NOX4: variants seen among roughly 807,000 people sequenced by gnomAD.
NOX4 encodes the protein kidney oxidase-1.
NOX4 carries 69 observed loss-of-function variants against 87.6 expected under a neutral mutation model. The observed-to-expected ratio is 0.79, with a 90% confidence interval of 0.65 to 0.96. The LOEUF is 0.96. Among genes scored for constraint, NOX4 ranks in the 40% least tolerant of loss-of-function variants. NOX4 has a pLI of 0.00. For missense variants in NOX4, 680 were observed against 681.5 expected (o/e 1.00, Z 0.02); for synonymous variants, 275 against 238.2 (o/e 1.15, Z -1.42).
At chr11:89,338,985 C>A (rs1280462529) in intron 15 of NOX4, among the ~76,000 whole-genome samples, 4 of 152,122 alleles carry the variant, frequency 2.6e-5, no homozygotes, top group Admixed American at 6.6e-5. Context: ...GAATGTAAAC[C>A]ACATGAGATC....
chr11:89,353,814 C>T (rs538395879), intron 13 of NOX4, among the ~76,000 whole-genome samples: 4 of 152,124 alleles, frequency 2.6e-5, no homozygotes, highest in Admixed American at 6.6e-5. Flanking sequence ...TACAAATAGG[C>T]GTGCACCAAT....
chr11:89,381,816 G>A (rs1426950263), intron 11 of NOX4, among the ~76,000 whole-genome samples: 6 of 152,108 alleles, frequency 3.9e-5, no homozygotes, highest in African/African-American at 9.7e-5. Flanking sequence ...ATTTTAAATC[G>A]GGTAAGCAGG....
intron 7 of NOX4, among the ~76,000 whole-genome samples, chr11:89,430,363 G>C (rs1943710879): frequency 6.6e-6 from 1 of 152,112 alleles, no homozygotes; most frequent in Non-Finnish European, 1.5e-5. Flanking sequence ...GGGCAATCAG[G>C]CAGGAGAAAG....
chr11:89,530,125 G>A, the NOX4 span, among the ~76,000 whole-genome samples: 31 of 151,356 alleles, frequency 2.0e-4, no homozygotes, highest in African/African-American at 7.5e-4. Flanking sequence ...ATGTTAAATT[G>A]AGCTTAAATG....
chr11:89,350,682 G>A (rs1478468279), intron 13 of NOX4, among the ~76,000 whole-genome samples: 2 of 152,188 alleles, frequency 1.3e-5, no homozygotes, highest in Non-Finnish European at 1.5e-5. Context: ...TACAGCAGTG[G>A]TTGTGAATGA....
chr11:89,347,267 C>T (rs1946255808), intron 13 of NOX4, among the ~76,000 whole-genome samples: 1 of 152,150 alleles, frequency 6.6e-6, no homozygotes, highest in South Asian at 2.1e-4. Context: ...GCCACCTCTA[C>T]CAGACAGGAC....
intron 13 of NOX4, among the ~76,000 whole-genome samples, chr11:89,351,809 G>A (rs1295307944): frequency 1.3e-5 from 2 of 152,096 alleles, no homozygotes; most frequent in Non-Finnish European, 2.9e-5. Flanking sequence ...CACATAGGCA[G>A]TAAGCAAAGC....
At chr11:89,546,506 T>C in the NOX4 span, 1 of 152,218 alleles carries the variant, frequency 6.6e-6, no homozygotes, top group Non-Finnish European at 1.5e-5. Flanking sequence ...TTACCACTTA[T>C]TAGCTATGTG....
chr11:89,378,811 C>T (rs901842921), intron 11 of NOX4, among the ~76,000 whole-genome samples: 3 of 152,162 alleles, frequency 2.0e-5, no homozygotes, highest in African/African-American at 7.2e-5. Context: ...GCTAGGAGCT[C>T]ATGCAATTTC....
At chr11:89,519,481 G>A in the NOX4 span, among the ~76,000 whole-genome samples, 2 of 151,996 alleles carry the variant, frequency 1.3e-5, no homozygotes, top group African/African-American at 4.8e-5. Flanking sequence ...ATGTATTGAT[G>A]TATCTAAAAT....
chr11:89,486,729 T>A (rs1388582068), intron 2 of NOX4, among the ~76,000 whole-genome samples: 1 of 149,248 alleles, frequency 6.7e-6, no homozygotes, highest in African/African-American at 2.5e-5. Context: ...TATATATATG[T>A]ATATTTTTTT....
chr11:89,386,341 CA>C (rs1940699807), intron 11 of NOX4, among the ~76,000 whole-genome samples: 1 of 152,152 alleles, frequency 6.6e-6, no homozygotes. Flanking sequence ...TTTACACTGC[CA>C]GTTTACACTT....
chr11:89,582,002 AC>A, the NOX4 span, among the ~76,000 whole-genome samples: 1 of 152,076 alleles, frequency 6.6e-6, no homozygotes, highest in Non-Finnish European at 1.5e-5. Context: ...ACAATTTTGT[AC>A]CCTTTGACCA....
chr11:89,422,281 G>A (rs559466290), intron 7 of NOX4, among the ~76,000 whole-genome samples: 33 of 142,348 alleles, frequency 2.3e-4, no homozygotes, highest in African/African-American at 8.4e-4. Flanking sequence ...GAAGCAGATA[G>A]TAGTCTGCTA....
At chr11:89,382,546 C>T (rs1400114358) in intron 11 of NOX4, among the ~76,000 whole-genome samples, 2 of 152,070 alleles carry the variant, frequency 1.3e-5, no homozygotes, top group African/African-American at 4.8e-5. Context: ...TTCCCTCCCA[C>T]CTGTCCCCTC....
the NOX4 span, among the ~76,000 whole-genome samples, chr11:89,507,348 G>A: frequency 9.8e-4 from 149 of 151,422 alleles, no homozygotes; most frequent in African/African-American, 3.5e-3. Flanking sequence ...GTAAAGTTAC[G>A]TGTGTGTATA....
At chr11:89,384,450 G>A (rs545612714) in intron 11 of NOX4, among the ~76,000 whole-genome samples, 2 of 152,140 alleles carry the variant, frequency 1.3e-5, no homozygotes, top group Admixed American at 1.3e-4. Context: ...AAACACACAT[G>A]CTCTCCCAGC....
At chr11:89,461,195 T>G (rs915694581) in intron 2 of NOX4, among the ~76,000 whole-genome samples, 1 of 151,790 alleles carries the variant, frequency 6.6e-6, no homozygotes, top group Non-Finnish European at 1.5e-5. Context: ...CATTAGGAGA[T>G]ATACCTAATG....
At chr11:89,431,573 T>G (rs1476139978) in intron 7 of NOX4, among the ~76,000 whole-genome samples, 1 of 152,126 alleles carries the variant, frequency 6.6e-6, no homozygotes, top group East Asian at 1.9e-4. Context: ...AAGAAGACAT[T>G]TATGCAGCCA....
Sources: gnomAD v4.1 joint callset for allele counts (sites outside exome capture counted in the v4.1 genomes callset) on GRCh38, gnomAD v4.1.1 for gene constraint, MANE v1.5 for transcripts, NCBI Gene and HGNC (gene_info 2026-07-23, HGNC 2026-07-21) for gene names.